Variants in CSRNP3 observed in about 807,000 individuals in gnomAD.
CSRNP3 encodes the protein cysteine and serine rich nuclear protein 3, also known as cysteine/serine-rich nuclear protein 3.
In CSRNP3, 12 loss-of-function variants were observed where a neutral mutation model predicts 48.0. The observed-to-expected ratio is 0.25, with a 90% confidence interval of 0.16 to 0.41. CSRNP3 has a LOEUF of 0.41. Among genes scored for constraint, CSRNP3 ranks in the 10% least tolerant of loss-of-function variants. CSRNP3 has a pLI of 1.00. For missense variants in CSRNP3, 580 were observed against 724.4 expected, an observed-to-expected ratio of 0.80 and a Z score of 2.29; for synonymous variants, 263 against 269.7, an observed-to-expected ratio of 0.98 and a Z score of 0.24.
At chr2:165,504,617 T>C (rs1002084021) in intron 2 of CSRNP3, among the ~76,000 whole-genome samples, 4 of 152,104 alleles carry the variant, frequency 2.6e-5, no homozygotes, top group Non-Finnish European at 4.4e-5. Context: ...AGTCCTTTAG[T>C]TCTTATCTAT....
intron 4 of CSRNP3, among the ~76,000 whole-genome samples, chr2:165,623,711 A>C (rs1431365865): frequency 6.6e-6 from 1 of 152,186 alleles, no homozygotes; most frequent in African/African-American, 2.4e-5. Context: ...CCTAGGCAGC[A>C]ACATCTACAA....
At chr2:165,582,384 A>G (rs1207116241) in intron 3 of CSRNP3, among the ~76,000 whole-genome samples, 3 of 152,290 alleles carry the variant, frequency 2.0e-5, no homozygotes, top group Non-Finnish European at 4.4e-5. Flanking sequence ...TTAACCTAGA[A>G]CCATTCCTGT....
chr2:165,555,415 G>A (rs1434464367), intron 3 of CSRNP3, among the ~76,000 whole-genome samples: 1 of 152,192 alleles, frequency 6.6e-6, no homozygotes, highest in African/African-American at 2.4e-5. Flanking sequence ...AAAAGTACAA[G>A]CCCAAAACCA....
chr2:165,631,008 A>T (rs1686524904), intron 4 of CSRNP3, among the ~76,000 whole-genome samples: 4 of 152,234 alleles, frequency 2.6e-5, no homozygotes, highest in Non-Finnish European at 5.9e-5. Context: ...TTATGTTCAA[A>T]AATAAGAGAT....
At chr2:165,550,958 C>G (rs1404512033) in intron 3 of CSRNP3, among the ~76,000 whole-genome samples, 1 of 152,164 alleles carries the variant, frequency 6.6e-6, no homozygotes, top group African/African-American at 2.4e-5. Flanking sequence ...CTCCACCTCC[C>G]CTTCCAAAGA....
At chr2:165,579,326 T>C (rs1685503293) in intron 3 of CSRNP3, among the ~76,000 whole-genome samples, 1 of 152,200 alleles carries the variant, frequency 6.6e-6, no homozygotes, top group African/African-American at 2.4e-5. Context: ...TAAATAGATA[T>C]GTACCTTGAA....
At chr2:165,532,473 A>C (rs1684826689) in intron 3 of CSRNP3, among the ~76,000 whole-genome samples, 1 of 152,284 alleles carries the variant, frequency 6.6e-6, no homozygotes, top group Admixed American at 6.5e-5. Flanking sequence ...TGATTATCTC[A>C]ATAGATGCAG....
At chr2:165,591,868 A>G (rs1685723212) in intron 3 of CSRNP3, among the ~76,000 whole-genome samples, 1 of 152,222 alleles carries the variant, frequency 6.6e-6, no homozygotes, top group South Asian at 2.1e-4. Flanking sequence ...AGGGCAGTGC[A>G]GAAGGGAAGT....
chr2:165,498,881 A>G (rs1684315830), intron 2 of CSRNP3, among the ~76,000 whole-genome samples: 1 of 152,152 alleles, frequency 6.6e-6, no homozygotes, highest in Non-Finnish European at 1.5e-5. Flanking sequence ...GGTGGAATTG[A>G]TACTGTAGCT....
In CSRNP3 at chr2:165,658,113, T is replaced by A. The variant is rs537049441; in HGVS notation, c.408+93T>A. ...TCATATTTATAATCACGAAACAAACTGGGCACTTTACATAACAGACTGCTT... is the reference window on the plus strand; with the variant it reads ...TCATATTTATAATCACGAAACAAACAGGGCACTTTACATAACAGACTGCTT... On this transcript the variant is annotated intron_variant, in intron 5 of 6. Transcript: ENST00000651982. The A allele has an allele frequency of 1.3e-3, 1,856 of 1,388,746 alleles. 4 individuals carry two copies. Among genetic ancestry groups the A allele is most frequent in the Middle Eastern group, 0.01 (39 of 3,766 alleles). The allele number at this position is 1,388,746 out of a possible 1,614,324, so 86.0% of individuals were successfully genotyped here. A position where few individuals can be genotyped will look rare whatever the true frequency, so the allele number is the denominator to read the frequency against.
At chr2:165,543,608 C>G (rs1684985884) in intron 3 of CSRNP3, among the ~76,000 whole-genome samples, 1 of 151,826 alleles carries the variant, frequency 6.6e-6, no homozygotes, top group Non-Finnish European at 1.5e-5. Context: ...TAATACTCTG[C>G]TAAGGAATGT....
intron 4 of CSRNP3, among the ~76,000 whole-genome samples, chr2:165,633,172 A>G (rs1475502643): frequency 1.3e-5 from 2 of 152,226 alleles, no homozygotes; most frequent in African/African-American, 4.8e-5. Context: ...ACTTAAGTCT[A>G]GTGATGCCCT....
At chr2:165,660,922 C>T (rs949154282) in intron 5 of CSRNP3, among the ~76,000 whole-genome samples, 1 of 152,136 alleles carries the variant, frequency 6.6e-6, no homozygotes. Context: ...ATGATCCAAT[C>T]TTAACCTCAC....
intron 3 of CSRNP3, among the ~76,000 whole-genome samples, chr2:165,531,002 C>T (rs1208794198): frequency 6.6e-6 from 1 of 151,340 alleles, no homozygotes; most frequent in Non-Finnish European, 1.5e-5. Flanking sequence ...ATTTTAAAAG[C>T]TTTAATTAAT....
At chr2:165,616,521 C>G (rs892829451) in intron 4 of CSRNP3, among the ~76,000 whole-genome samples, 1 of 152,144 alleles carries the variant, frequency 6.6e-6, no homozygotes, top group Non-Finnish European at 1.5e-5. Context: ...CATTTTGAAG[C>G]ATAGCTTTGC....
intron 3 of CSRNP3, among the ~76,000 whole-genome samples, chr2:165,544,622 C>G (rs34250536): frequency 0.22 from 33,976 of 151,800 alleles, 4,548 homozygotes; most frequent in African/African-American, 0.37. Flanking sequence ...ATATTTTGAA[C>G]GTAGATCCAA....
At chr2:165,609,465 G>GAAAAAAAA (rs34249194) in intron 4 of CSRNP3, among the ~76,000 whole-genome samples, 12 of 97,568 alleles carry the variant, frequency 1.2e-4, no homozygotes, top group East Asian at 3.3e-4. Flanking sequence ...TCTAAAAAAA[G>GAAAAAAAA]AAAAAAAAAA....
At chr2:165,537,216 C>CT (rs983496962) in intron 3 of CSRNP3, among the ~76,000 whole-genome samples, 2 of 151,042 alleles carry the variant, frequency 1.3e-5, no homozygotes, top group Non-Finnish European at 3.0e-5. Flanking sequence ...CAACTTCATG[C>CT]TTTTTTTTCC....
intron 4 of CSRNP3, among the ~76,000 whole-genome samples, chr2:165,624,911 A>C (rs907739878): frequency 6.6e-6 from 1 of 152,244 alleles, no homozygotes; most frequent in Non-Finnish European, 1.5e-5. Flanking sequence ...AAGCCCGCGG[A>C]AAGTGGGAAA....
Sources: gnomAD v4.1 joint callset for allele counts (sites outside exome capture counted in the v4.1 genomes callset) on GRCh38, gnomAD v4.1.1 for gene constraint, MANE v1.5 for transcripts, NCBI Gene and HGNC (gene_info 2026-07-23, HGNC 2026-07-21) for gene names.